DPP10: variants seen among roughly 807,000 people sequenced by gnomAD.
The protein encoded by DPP10 is dipeptidyl peptidase like 10, also known as inactive dipeptidyl peptidase 10.
In DPP10, 33 loss-of-function variants were observed where a neutral mutation model predicts 120.9. The observed-to-expected ratio is 0.27, with a 90% CI of 0.21 to 0.37. DPP10 has a LOEUF of 0.37. DPP10 is among the 10% of genes least tolerant of loss of function. DPP10 has a pLI of 1.00. For synonymous variants in DPP10, 337 were observed against 326.1 expected, an observed-to-expected ratio of 1.03 and a Z score of -0.36; for missense variants, 816 against 942.8, an observed-to-expected ratio of 0.87 and a Z score of 1.76.
chr2:114,740,399 C>G (rs1435833670), intron 1 of DPP10, among the ~76,000 whole-genome samples: 2 of 144,840 alleles, frequency 1.4e-5, no homozygotes, highest in African/African-American at 2.6e-5. Flanking sequence ...GGAGATATAC[C>G]TAATGCTAAA....
At chr2:114,822,160 A>G (rs1356392005) in intron 1 of DPP10, among the ~76,000 whole-genome samples, 1 of 152,168 alleles carries the variant, frequency 6.6e-6, no homozygotes, top group East Asian at 1.9e-4. Context: ...TTGCCCCTGA[A>G]CATCCAGATG....
chr2:115,653,170 G>T (rs891022817), intron 5 of DPP10, among the ~76,000 whole-genome samples: 7 of 151,838 alleles, frequency 4.6e-5, no homozygotes, highest in Non-Finnish European at 2.9e-5. Context: ...TAATTGAAAA[G>T]ACAAAGTATA....
chr2:114,536,133 C>T lies in DPP10; in HGVS notation c.60+93295C>T, dbSNP rs115203951. Among the ~76,000 whole-genome samples, 1,404 of 152,184 alleles carry T rather than the reference C, an allele frequency of 9.2e-3. 23 individuals are homozygous for T. The highest frequency in any genetic ancestry group is 0.03 in the African/African-American group (1,251 of 41,526). Reference sequence around the variant, plus strand: ...TCCTCTGCATTGGTGCATCCTGCATCGACATGGTTTGCCTGAGCTTCCATG... The same window carrying T: ...TCCTCTGCATTGGTGCATCCTGCATTGACATGGTTTGCCTGAGCTTCCATG... On this transcript the variant is annotated intron_variant, in intron 1 of 25. Coordinates refer to ENST00000410059, the MANE Select transcript of DPP10 (RefSeq NM_020868.6).
intron 21 of DPP10, among the ~76,000 whole-genome samples, chr2:115,831,155 T>G (rs1688880758): frequency 6.6e-6 from 1 of 152,238 alleles, no homozygotes; most frequent in Non-Finnish European, 1.5e-5. Flanking sequence ...TATAAAATTC[T>G]TTATTTCCAA....
intron 1 of DPP10, among the ~76,000 whole-genome samples, chr2:114,641,350 G>T (rs1184346827): frequency 6.6e-6 from 1 of 151,848 alleles, no homozygotes; most frequent in Non-Finnish European, 1.5e-5. Flanking sequence ...GTGGCTAGCA[G>T]TGTCCTTCCC....
chr2:114,986,665 A>G (rs1700411380), intron 1 of DPP10, among the ~76,000 whole-genome samples: 1 of 152,258 alleles, frequency 6.6e-6, no homozygotes. Flanking sequence ...CAATACAAAT[A>G]AATAGCATAA....
chr2:115,478,091 A>T (rs1487827713), intron 3 of DPP10, among the ~76,000 whole-genome samples: 2 of 152,146 alleles, frequency 1.3e-5, no homozygotes, highest in Admixed American at 6.6e-5. Flanking sequence ...TTCATGAGGG[A>T]TCCAGCCCCG....
chr2:114,869,468 C>G (rs539062655), intron 1 of DPP10, among the ~76,000 whole-genome samples: 1 of 152,258 alleles, frequency 6.6e-6, no homozygotes, highest in African/African-American at 2.4e-5. Flanking sequence ...CATTGTGAAA[C>G]AGTCCCCCCA....
intron 1 of DPP10, among the ~76,000 whole-genome samples, chr2:115,019,244 G>T (rs1385789616): frequency 6.6e-6 from 1 of 151,840 alleles, no homozygotes; most frequent in Non-Finnish European, 1.5e-5. Context: ...TGTTAATAAA[G>T]GTCTTAATAA....
Position 114,782,595 on chromosome 2 carries a change from T to G in DPP10, c.60+339757T>G, listed in dbSNP as rs770488343. Among the ~76,000 whole-genome samples the G allele has an allele frequency of 2.0e-5, 3 of 152,048 alleles. No individual in the cohort carries two copies. In the South Asian group the frequency reaches 6.2e-4, roughly 32 times the overall value. On this transcript the variant is annotated intron_variant, in intron 1 of 25. Transcript: ENST00000410059. ...TGAAAGTTAAAGGGTCAATTGAGTG[T>G]TGTTGTTTTCAAGACCAGTTTAGCT...
intron 1 of DPP10, among the ~76,000 whole-genome samples, chr2:115,196,012 A>C (rs924581159): frequency 3.3e-5 from 5 of 152,232 alleles, no homozygotes; most frequent in Admixed American, 6.5e-5. Context: ...ACACAGGATC[A>C]ATATTTCATG....
At chr2:115,004,092 G>T (rs1304897286) in intron 1 of DPP10, among the ~76,000 whole-genome samples, 2 of 152,148 alleles carry the variant, frequency 1.3e-5, no homozygotes, top group Non-Finnish European at 2.9e-5. Context: ...AGCAAGGTCA[G>T]TTTTGCCTGC....
Position 114,926,381 on chromosome 2 carries a change from A to G in DPP10, c.61-382858A>G, listed in dbSNP as rs1029450329. The stretch of plus-strand genomic sequence containing the variant: ...ATAGAGTTTCACCTACTAGGAAGAC[A>G]GATCATTTGGGGGCTAGAGTGCTTA... On this transcript the variant is annotated intron_variant, in intron 1 of 25. Transcript: ENST00000410059. Among the ~76,000 whole-genome samples the G allele has an allele frequency of 3.3e-5, 5 of 152,326 alleles. No homozygotes were observed. The East Asian group carries it at 9.6e-4, about 29-fold the overall frequency.
chr2:115,686,204 A>T (rs1468872608), intron 5 of DPP10, among the ~76,000 whole-genome samples: 1 of 151,884 alleles, frequency 6.6e-6, no homozygotes, highest in African/African-American at 2.4e-5. Flanking sequence ...CCCACCAGTC[A>T]CTTCTGCCCC....
Position 114,663,182 on chromosome 2 carries a change from C to T in DPP10, c.60+220344C>T, listed in dbSNP as rs574795888. On this transcript the variant is annotated intron_variant, in intron 1 of 25. Coordinates refer to ENST00000410059, the MANE Select transcript of DPP10 (RefSeq NM_020868.6). ...AGGGAAGGAAATAGGTGGGCTATATCGTGTTTCCTGCGTAATCACTATCTC... is the reference window on the plus strand; with the variant it reads ...AGGGAAGGAAATAGGTGGGCTATATTGTGTTTCCTGCGTAATCACTATCTC... 2.6e-5 allele frequency among the ~76,000 whole-genome samples: 4 copies of T among 151,174 alleles called. No individual in the cohort carries two copies. The East Asian group carries it at 7.8e-4, about 30-fold the overall frequency.
At chr2:115,753,885 G>C (rs1373840055) in intron 11 of DPP10, among the ~76,000 whole-genome samples, 1 of 152,078 alleles carries the variant, frequency 6.6e-6, no homozygotes, top group African/African-American at 2.4e-5. Flanking sequence ...AAGTTTAAAC[G>C]GTTATGTGTA....
chr2:115,056,691 C>T (rs1291568134), intron 1 of DPP10, among the ~76,000 whole-genome samples: 1 of 152,108 alleles, frequency 6.6e-6, no homozygotes, highest in Non-Finnish European at 1.5e-5. Flanking sequence ...GCAATGCCAA[C>T]GTAAGTCCAA....
chr2:115,098,387 C>CTTATA (rs1173036648), intron 1 of DPP10, among the ~76,000 whole-genome samples: 2 of 152,078 alleles, frequency 1.3e-5, no homozygotes, highest in East Asian at 1.9e-4. Context: ...GAAATGGGTC[C>CTTATA]TTATATGATT....
chr2:115,618,702 A>G (rs944728197), intron 5 of DPP10, among the ~76,000 whole-genome samples: 18 of 152,284 alleles, frequency 1.2e-4, no homozygotes, highest in African/African-American at 4.3e-4. Context: ...TCCATGTACA[A>G]CTGTGCACTG....
Sources: gnomAD v4.1 joint callset for allele counts (sites outside exome capture counted in the v4.1 genomes callset) on GRCh38, gnomAD v4.1.1 for gene constraint, MANE v1.5 for transcripts, NCBI Gene and HGNC (gene_info 2026-07-23, HGNC 2026-07-21) for gene names.